AGFG1: variants seen among roughly 807,000 people sequenced by gnomAD.
The protein encoded by AGFG1 is arf-GAP domain and FG repeat-containing protein 1.
A neutral mutation model predicts 60.6 loss-of-function variants in AGFG1; 10 were observed. The observed-to-expected ratio is 0.16, with a 90% CI of 0.10 to 0.28. AGFG1 has a LOEUF of 0.28. Among genes scored for constraint, AGFG1 ranks in the 10% least tolerant of loss-of-function variants. The pLI is 1.00. For synonymous variants in AGFG1, 247 were observed against 242.9 expected, an observed-to-expected ratio of 1.02 and a Z score of -0.16; for missense variants, 537 against 676.5, an observed-to-expected ratio of 0.79 and a Z score of 2.29.
At chr2:227,480,563 C>T (rs1690426522) in intron 1 of AGFG1, among the ~76,000 whole-genome samples, 1 of 150,808 alleles carries the variant, frequency 6.6e-6, no homozygotes, top group Non-Finnish European at 1.5e-5. Context: ...CAATGAACTT[C>T]CTTCAATATG....
chr2:227,541,312 G>A (rs908829853), intron 10 of AGFG1, among the ~76,000 whole-genome samples: 18 of 152,116 alleles, frequency 1.2e-4, no homozygotes, highest in African/African-American at 4.3e-4. Context: ...TTCTTCTAGG[G>A]TTTTTATGGT....
chr2:227,535,797 A>G (rs916079185), intron 8 of AGFG1, among the ~76,000 whole-genome samples: 10 of 152,270 alleles, frequency 6.6e-5, no homozygotes, highest in Admixed American at 5.9e-4. Flanking sequence ...AAGTCTGGAA[A>G]CATACTTTAT....
At chr2:227,526,128 T>C (rs1364060373) in intron 5 of AGFG1, among the ~76,000 whole-genome samples, 1 of 152,188 alleles carries the variant, frequency 6.6e-6, no homozygotes, top group Non-Finnish European at 1.5e-5. Flanking sequence ...TTATTATCCT[T>C]AGTAGTACTC....
intron 1 of AGFG1, among the ~76,000 whole-genome samples, chr2:227,478,939 ATGCCATTGTTTTAC>A: frequency 6.6e-6 from 1 of 152,180 alleles, no homozygotes; most frequent in Admixed American, 6.5e-5. Flanking sequence ...CTTCTCACTC[ATGCCATTGTTTTAC>A]ATGACATTCA....
At chr2:227,497,727 C>G (rs1402126342) in intron 2 of AGFG1, among the ~76,000 whole-genome samples, 405 of 13,606 alleles carry the variant, frequency 0.03, 9 homozygotes, top group South Asian at 0.17. Context: ...GAGTTTCTTT[C>G]TTGTTTTGTT....
intron 7 of AGFG1, among the ~76,000 whole-genome samples, chr2:227,534,035 G>T (rs1248625566): frequency 1.3e-5 from 2 of 151,998 alleles, no homozygotes; most frequent in Non-Finnish European, 2.9e-5. Flanking sequence ...CTTTTCTTTG[G>T]CTATAAAGAG....
chr2:227,516,151 A>G (rs1404232504), intron 2 of AGFG1, among the ~76,000 whole-genome samples: 4 of 152,202 alleles, frequency 2.6e-5, no homozygotes, highest in African/African-American at 9.6e-5. Context: ...GGTGGCCTAG[A>G]TGTTACTAAA....
chr2:227,495,413 G>A (rs1690943944), intron 2 of AGFG1, among the ~76,000 whole-genome samples: 1 of 151,898 alleles, frequency 6.6e-6, no homozygotes, highest in African/African-American at 2.4e-5. Flanking sequence ...AGGCGTGGTG[G>A]TACACATCTG....
intron 2 of AGFG1, among the ~76,000 whole-genome samples, chr2:227,507,962 A>G (rs1575083176): frequency 6.6e-6 from 1 of 150,718 alleles, no homozygotes; most frequent in Non-Finnish European, 1.5e-5. Context: ...AAACTTCTGC[A>G]AATCTTGTTT....
intron 2 of AGFG1, among the ~76,000 whole-genome samples, chr2:227,499,134 AC>A (rs1338108473): frequency 1.3e-5 from 2 of 152,200 alleles, no homozygotes; most frequent in African/African-American, 4.8e-5. Flanking sequence ...AATTTCAAGG[AC>A]TTTAAAATAT....
rs1447984322 is a variant in AGFG1, at chr2:227,491,548, C to T, written c.169C>T (p.Arg57Ter). 5 of 1,523,716 alleles carry T rather than the reference C, an allele frequency of 3.3e-6. No individual in the cohort carries two copies. The highest frequency in any genetic ancestry group is 2.8e-5 in the African/African-American group (2 of 70,590). 94.4% of individuals were successfully genotyped at this position (1,523,716 alleles called of 1,614,324 possible). A position where few individuals can be genotyped will look rare whatever the true frequency, so the allele number is the denominator to read the frequency against. ...FVCTSCSGSL[R>*]GLNPPHRVKS... ...TTTGTAAAATATTTTATCTTTTAGGCGAGGATTAAATCCACCACACAGGGT... is the reference window on the plus strand; with the variant it reads ...TTTGTAAAATATTTTATCTTTTAGGTGAGGATTAAATCCACCACACAGGGT... The change falls in exon 2 of 13, where the codon CGA becomes TGA. Residue 57 changes from arginine (R) to a stop codon, truncating the protein, a stop_gained and splice_region_variant. Transcript: ENST00000310078. LOFTEE classifies it high-confidence loss of function.
chr2:227,539,038 A>G (rs528692194), intron 10 of AGFG1, among the ~76,000 whole-genome samples: 102 of 152,304 alleles, frequency 6.7e-4, no homozygotes, highest in African/African-American at 2.4e-3. Flanking sequence ...ATATGTTTCT[A>G]TTGAAGCTGA....
chr2:227,478,101 G>T (rs1441981007), intron 1 of AGFG1, among the ~76,000 whole-genome samples: 1 of 151,258 alleles, frequency 6.6e-6, no homozygotes, highest in East Asian at 1.9e-4. Context: ...TTTTCAATTT[G>T]GCATGTGCAT....
At chr2:227,507,023 A>G (rs1454276056) in intron 2 of AGFG1, among the ~76,000 whole-genome samples, 1 of 152,112 alleles carries the variant, frequency 6.6e-6, no homozygotes, top group Non-Finnish European at 1.5e-5. Flanking sequence ...AAAAGTTTTA[A>G]TTTTTGGTCA....
At chr2:227,478,894 G>C (rs13391395) in intron 1 of AGFG1, among the ~76,000 whole-genome samples, 1,899 of 152,146 alleles carry the variant, frequency 0.012, 21 homozygotes, top group Middle Eastern at 0.034. Flanking sequence ...ACTTGTTTTA[G>C]TCTCTAAAAA....
chr2:227,527,032 A>C (rs1692014572), intron 5 of AGFG1, among the ~76,000 whole-genome samples: 2 of 152,192 alleles, frequency 1.3e-5, no homozygotes, highest in Admixed American at 1.3e-4. Context: ...GTAATATTTA[A>C]AAATTGATTA....
intron 1 of AGFG1, among the ~76,000 whole-genome samples, chr2:227,472,893 C>G (rs951468322): frequency 6.6e-6 from 1 of 151,698 alleles, no homozygotes; most frequent in Non-Finnish European, 1.5e-5. Context: ...GGGCGAGCGT[C>G]CCTGGTCTCC....
Position 227,472,365 on chromosome 2 carries a change from C to T in AGFG1, c.-57C>T. ...GGCGGCCCGTGGGACCGCGGGCCCC[C>T]GGCGCAGCGCTGCCCGGCTCCCGGC... On this transcript the variant is annotated 5_prime_UTR_variant, in exon 1 of 13. Coordinates refer to ENST00000310078, the MANE Select transcript of AGFG1 (RefSeq NM_004504.5). 1.9e-6 allele frequency: 2 copies of T among 1,063,400 alleles called. No homozygotes were observed. Among genetic ancestry groups the T allele is most frequent in the South Asian group, 4.2e-5 (1 of 23,868 alleles). 65.9% of individuals were successfully genotyped at this position (1,063,400 alleles called of 1,614,324 possible).
At chr2:227,521,400 T>G (rs1691823716) in intron 3 of AGFG1, among the ~76,000 whole-genome samples, 1 of 152,142 alleles carries the variant, frequency 6.6e-6, no homozygotes, top group African/African-American at 2.4e-5. Flanking sequence ...GCAAGATTAG[T>G]CAGGGCTATA....
Sources: allele counts gnomAD v4.1 joint callset (sites outside exome capture counted in the v4.1 genomes callset), GRCh38; gene constraint gnomAD v4.1.1; transcripts MANE v1.5; gene names NCBI Gene and HGNC (gene_info 2026-07-23, HGNC 2026-07-21).